Variants in LAMA1 observed in about 807,000 individuals in gnomAD.
LAMA1 encodes the protein laminin subunit alpha-1.
LAMA1 carries 219 observed loss-of-function variants against 348.7 expected under a neutral mutation model. That is an observed-to-expected ratio of 0.63 (90% confidence interval 0.56 to 0.70). LAMA1 has a LOEUF of 0.70. Ranked by LOEUF, LAMA1 falls within the 30% of genes least tolerant of loss-of-function variation. The pLI, the probability that LAMA1 is intolerant of heterozygous loss-of-function variation, is 0.00. For synonymous variants in LAMA1, 1,487 were observed against 1,491.0 expected (o/e 1.00, Z 0.06); for missense variants, 3,744 against 3,888.0 (o/e 0.96, Z 0.99).
intron 53 of LAMA1, chr18:6,960,419 A>G (rs2057601424): frequency 6.6e-6 from 1 of 152,186 alleles, no homozygotes; most frequent in African/African-American, 2.4e-5. Flanking sequence ...GCAAGACATC[A>G]TCATATGATT....
intron 4 of LAMA1, 50 bp from the exon 5 acceptor site, chr18:7,049,307 A>AT: frequency 1.3e-6 from 2 of 1,540,372 alleles, no homozygotes; most frequent in Non-Finnish European, 1.8e-6. Context: ...TTATTTATTT[A>AT]TTTATTTTTT....
At chr18:7,059,110 G>A (rs145587502) in intron 3 of LAMA1, among the ~76,000 whole-genome samples, 2,218 of 152,148 alleles carry the variant, frequency 0.015, 41 homozygotes, top group African/African-American at 0.045. Flanking sequence ...GGATGGTCTC[G>A]AACTCCTAAC....
chr18:7,087,318 G>A (rs1446607199), intron 1 of LAMA1, among the ~76,000 whole-genome samples: 1 of 152,202 alleles, frequency 6.6e-6, no homozygotes, highest in Non-Finnish European at 1.5e-5. Context: ...GAATAGGAAT[G>A]GGTGAATAAG....
intron 61 of LAMA1, 60 bp from the exon 62 acceptor site, chr18:6,943,462 A>G: frequency 1.5e-6 from 2 of 1,318,320 alleles, no homozygotes; most frequent in Admixed American, 1.7e-5. Flanking sequence ...CATTTGTATA[A>G]GCTCTTGGAG....
At position 6,968,466 on chromosome 18, in the gene LAMA1, C is replaced by T. The variant is rs58231936; in HGVS notation, c.6900-2169G>A. Among the ~76,000 whole-genome samples the T allele has an allele frequency of 4.6e-3, 694 of 152,302 alleles. 3 individuals are homozygous for T. The highest frequency in any genetic ancestry group is 0.031 in the Middle Eastern group (9 of 294). ...CTTTCTATACAGGCATTTTCCCCTA[C>T]GCCATGAGATGTCTGAGGACATAAA... On this transcript the variant is annotated intron_variant, in intron 48 of 62. Coordinates refer to ENST00000389658, the MANE Select transcript of LAMA1 (RefSeq NM_005559.4).
At chr18:6,954,240 C>G (rs1456854897) in intron 57 of LAMA1, 1 of 152,254 alleles carries the variant, frequency 6.6e-6, no homozygotes, top group Non-Finnish European at 1.5e-5. Context: ...ATCTCCTTGG[C>G]CTTGGTCTCC....
At chr18:7,101,541 G>GT (rs1324352105) in intron 1 of LAMA1, among the ~76,000 whole-genome samples, 1 of 152,206 alleles carries the variant, frequency 6.6e-6, no homozygotes, top group Non-Finnish European at 1.5e-5. Context: ...GCAGAAGTGC[G>GT]TGTTGGATCC....
intron 13 of LAMA1, among the ~76,000 whole-genome samples, chr18:7,034,909 T>C (rs966935366): frequency 6.6e-6 from 1 of 152,214 alleles, no homozygotes; most frequent in Non-Finnish European, 1.5e-5. Flanking sequence ...ACTGAAAGCC[T>C]GTGTACTTCG....
intron 19 of LAMA1, among the ~76,000 whole-genome samples, chr18:7,021,064 C>G (rs898855922): frequency 6.6e-6 from 1 of 152,206 alleles, no homozygotes; most frequent in Non-Finnish European, 1.5e-5. Context: ...TGGTCACTCT[C>G]TCTCCAGTGT....
Position 7,040,071 on chromosome 18 carries a change from C to A in LAMA1, c.1422+5G>T. 1.9e-6 allele frequency: 3 copies of A among 1,613,938 alleles called. No homozygotes were observed. The highest frequency in any genetic ancestry group is 2.5e-6 in the Non-Finnish European group (3 of 1,180,008). On this transcript the variant is annotated splice_donor_5th_base_variant and intron_variant, in intron 10 of 62. Coordinates refer to ENST00000389658, the MANE Select transcript of LAMA1 (RefSeq NM_005559.4). Reference sequence around the variant, plus strand: ...CTCAGGGGTGTCTCTGACCTCCCCACTTACCTTACAAACACAGGGCCCTGT... The same window carrying A: ...CTCAGGGGTGTCTCTGACCTCCCCAATTACCTTACAAACACAGGGCCCTGT...
At chr18:7,000,888 CGT>C (rs1274960606) in intron 30 of LAMA1, among the ~76,000 whole-genome samples, 3 of 152,154 alleles carry the variant, frequency 2.0e-5, no homozygotes, top group Non-Finnish European at 1.5e-5. Flanking sequence ...GAAAATAAAG[CGT>C]GTGTTTTAGG....
At chr18:6,985,850 C>T (rs1324253325) in intron 37 of LAMA1, among the ~76,000 whole-genome samples, 1 of 152,154 alleles carries the variant, frequency 6.6e-6, no homozygotes, top group African/African-American at 2.4e-5. Context: ...CCTCCATCTC[C>T]CAAGTTCAAG....
chr18:7,086,678 G>A (rs987374731), intron 1 of LAMA1, among the ~76,000 whole-genome samples: 1 of 152,152 alleles, frequency 6.6e-6, no homozygotes, highest in Admixed American at 6.5e-5. Flanking sequence ...TAATGCCTGA[G>A]TGGAAGAATG....
intron 3 of LAMA1, 96 bp from the exon 4 acceptor site, chr18:7,051,032 A>C: frequency 6.7e-7 from 1 of 1,483,740 alleles, no homozygotes. Context: ...GGTAGAATCT[A>C]AGATAGTTGA....
intron 3 of LAMA1, among the ~76,000 whole-genome samples, chr18:7,058,203 G>T (rs550589240): frequency 2.3e-4 from 35 of 152,208 alleles, no homozygotes; most frequent in African/African-American, 7.9e-4. Flanking sequence ...ATACTAAATG[G>T]AAGAACAGCC....
chr18:7,016,789 A>G, intron 20 of LAMA1, 118 bp from the exon 21 acceptor site: 1 of 936,548 alleles, frequency 1.1e-6, no homozygotes, highest in Non-Finnish European at 1.6e-6. Flanking sequence ...AGTATTCATG[A>G]CACCATCCCC....
chr18:7,009,297 T>C lies in LAMA1; in HGVS notation c.3943A>G (p.Ser1315Gly), dbSNP rs1163532650. ...VTREDFMSVLSDIEYILIKAS... is the reference protein window; with the variant it reads ...VTREDFMSVLGDIEYILIKAS... Reference sequence around the variant, plus strand: ...TTGATGAGGATGTACTCAATATCGCTGAGGACAGACATAAAATCCTCTCGC... The same window carrying C: ...TTGATGAGGATGTACTCAATATCGCCGAGGACAGACATAAAATCCTCTCGC... Residue 1315 changes from serine to glycine, a missense_variant, in exon 27 of 63, where the codon AGC becomes GGC. By Grantham distance (56) the Ser-to-Gly change is moderately conservative. Coordinates refer to ENST00000389658, the MANE Select transcript of LAMA1 (RefSeq NM_005559.4). The C allele has an allele frequency of 6.2e-7, 1 of 1,613,942 alleles. No individual in the cohort carries two copies. The highest frequency in any genetic ancestry group is 1.3e-5 in the African/African-American group (1 of 74,926).
rs184569445 is a variant in LAMA1 at position 7,001,613 on chromosome 18, A to T, written c.4382+651T>A. Among the ~76,000 whole-genome samples, 84 of 152,332 alleles carry T rather than the reference A, an allele frequency of 5.5e-4. 3 individuals are homozygous for T. In the South Asian group the frequency reaches 0.012, roughly 23 times the overall value. Reference sequence around the variant, plus strand: ...ATTAAAAGGAATACTTCATTGCAGTATACCAAGAGTTAACATTTGATCTTT... The same window carrying T: ...ATTAAAAGGAATACTTCATTGCAGTTTACCAAGAGTTAACATTTGATCTTT... On this transcript the variant is annotated intron_variant, in intron 30 of 62. Transcript: ENST00000389658.
At chr18:6,976,128 GGCAGCTCACCA>G in intron 44 of LAMA1, 48 bp from the exon 45 acceptor site, 1 of 1,599,362 alleles carries the variant, frequency 6.3e-7, no homozygotes, top group Non-Finnish European at 8.6e-7. Context: ...GACACACACC[GGCAGCTCACCA>G]GCAGCTCAAC....
Sources: gnomAD v4.1 joint callset for allele counts (sites outside exome capture counted in the v4.1 genomes callset) on GRCh38, gnomAD v4.1.1 for gene constraint, MANE v1.5 for transcripts, NCBI Gene and HGNC (gene_info 2026-07-23, HGNC 2026-07-21) for gene names.